Variants in RNF169 observed in about 807,000 individuals in gnomAD.
RNF169 encodes the protein E3 ubiquitin-protein ligase RNF169.
Under a neutral mutation model 53.9 loss-of-function variants are expected in RNF169, and 24 were observed. That is an observed-to-expected ratio of 0.45 (90% CI 0.32 to 0.63). RNF169 has a LOEUF of 0.63. Among genes scored for constraint, RNF169 ranks in the 20% least tolerant of loss-of-function variants. RNF169 has a pLI of 0.04. For synonymous variants in RNF169, 396 were observed against 363.5 expected (o/e 1.09, Z -1.02); for missense variants, 883 against 906.2 (o/e 0.97, Z 0.33).
At chr11:74,794,184 C>T (rs1414017024) in intron 2 of RNF169, among the ~76,000 whole-genome samples, 1 of 152,220 alleles carries the variant, frequency 6.6e-6, no homozygotes, top group Non-Finnish European at 1.5e-5. Flanking sequence ...TGGCAACTAG[C>T]TGCCTCTGTC....
At chr11:74,773,532 T>C (rs1176464543) in intron 1 of RNF169, among the ~76,000 whole-genome samples, 1 of 152,226 alleles carries the variant, frequency 6.6e-6, no homozygotes, top group Admixed American at 6.5e-5. Flanking sequence ...CAGTTTTCTT[T>C]TTGAGCTTGC....
chr11:74,832,902 T>C (rs2036201099), intron 4 of RNF169, among the ~76,000 whole-genome samples: 1 of 152,198 alleles, frequency 6.6e-6, no homozygotes, highest in Non-Finnish European at 1.5e-5. Flanking sequence ...TATCAATATT[T>C]TTAAAAGTAA....
At chr11:74,755,886 G>C (rs2034974150) in intron 1 of RNF169, among the ~76,000 whole-genome samples, 1 of 152,138 alleles carries the variant, frequency 6.6e-6, no homozygotes, top group Admixed American at 6.5e-5. Context: ...TTGTGTATTA[G>C]GGTAAAAGAA....
chr11:74,810,682 AT>A (rs1003034991), intron 3 of RNF169, among the ~76,000 whole-genome samples: 2 of 152,090 alleles, frequency 1.3e-5, no homozygotes, highest in African/African-American at 2.4e-5. Flanking sequence ...CCTCAACTAG[AT>A]TTTCTTAAAG....
chr11:74,842,063 A>G lies in RNF169; in HGVS notation c.*5333A>G, dbSNP rs1184724491. 6.6e-6 allele frequency: 1 copy of G among 151,808 alleles called. No homozygotes were observed. The highest frequency in any genetic ancestry group is 2.1e-4 in the South Asian group (1 of 4,802). 9.4% of individuals were successfully genotyped at this position (151,808 alleles called of 1,614,324 possible). On this transcript the variant is annotated 3_prime_UTR_variant, in exon 6 of 6. Transcript: ENST00000299563. Reference sequence around the variant, plus strand: ...TTTACTCTCAACTCTTTGTACAAATATTATTGTCCTAAGGGCCTTTTCCCC... The same window carrying G: ...TTTACTCTCAACTCTTTGTACAAATGTTATTGTCCTAAGGGCCTTTTCCCC...
At chr11:74,795,510 AC>A (rs2035635702) in intron 2 of RNF169, among the ~76,000 whole-genome samples, 1 of 152,160 alleles carries the variant, frequency 6.6e-6, no homozygotes, top group South Asian at 2.1e-4. Context: ...CTGAGCACCC[AC>A]AAACATATGT....
Position 74,836,283 on chromosome 11 carries a change from C to T in RNF169, c.1680C>T (p.Asp560=). The change falls in exon 6 of 6, where the codon GAC becomes GAT. Residue 560 remains aspartate, a synonymous_variant. Coordinates refer to ENST00000299563, the MANE Select transcript of RNF169 (RefSeq NM_001098638.2). The part of the protein sequence containing the change: ...GLGSTPDAKL[D]KTCISRAMKI... ...GGTCAACTCCAGATGCCAAGTTAGA[C>T]AAAACCTGTATAAGCAGAGCCATGA... 1 of 1,614,152 alleles carries T rather than the reference C, an allele frequency of 6.2e-7. No individual in the cohort carries two copies. The highest frequency in any genetic ancestry group is 2.2e-5 in the East Asian group (1 of 44,888).
At chr11:74,834,808 G>A (rs1169677230) in intron 5 of RNF169, 33 bp downstream of exon 5, 3 of 1,491,644 alleles carry the variant, frequency 2.0e-6, no homozygotes, top group East Asian at 2.3e-5. Context: ...CGGGGCTTGT[G>A]AGGCTTGCCC....
chr11:74,769,842 C>T (rs752457369), intron 1 of RNF169, among the ~76,000 whole-genome samples: 23 of 152,186 alleles, frequency 1.5e-4, no homozygotes, highest in Non-Finnish European at 5.9e-5. Flanking sequence ...GACATCCAGG[C>T]TGGAGTTCAG....
chr11:74,758,921 T>C lies in RNF169; in HGVS notation c.502+9539T>C, dbSNP rs572758042. ...GGGCAGTATGGCCATTTTCACGATATTGATTCTTCCTACCCATGAGCATGG... is the reference window on the plus strand; with the variant it reads ...GGGCAGTATGGCCATTTTCACGATACTGATTCTTCCTACCCATGAGCATGG... On this transcript the variant is annotated intron_variant, in intron 1 of 5. Transcript: ENST00000299563. Among the ~76,000 whole-genome samples, 46 of 149,318 alleles carry C rather than the reference T, an allele frequency of 3.1e-4. No homozygotes were observed. In the South Asian group the frequency reaches 9.7e-3, roughly 32 times the overall value.
chr11:74,781,775 C>A (rs1020135355), intron 1 of RNF169, among the ~76,000 whole-genome samples: 2 of 152,140 alleles, frequency 1.3e-5, no homozygotes, highest in African/African-American at 2.4e-5. Context: ...CACAGGCAGA[C>A]CCTGGATCTA....
intron 1 of RNF169, among the ~76,000 whole-genome samples, chr11:74,763,131 G>A (rs2035114886): frequency 6.6e-6 from 1 of 152,118 alleles, no homozygotes; most frequent in Non-Finnish European, 1.5e-5. Context: ...AGAAATTGAA[G>A]CACAAGATCT....
chr11:74,800,595 GTAT>G (rs746282309), intron 2 of RNF169, among the ~76,000 whole-genome samples: 9 of 152,118 alleles, frequency 5.9e-5, no homozygotes, highest in Non-Finnish European at 1.2e-4. Context: ...CTGTATATAA[GTAT>G]TATTAATATT....
At chr11:74,753,174 A>G (rs765388575) in intron 1 of RNF169, among the ~76,000 whole-genome samples, 1 of 151,948 alleles carries the variant, frequency 6.6e-6, no homozygotes, top group Non-Finnish European at 1.5e-5. Flanking sequence ...CTCCATGTTG[A>G]TCAGGCTGGT....
intron 3 of RNF169, among the ~76,000 whole-genome samples, chr11:74,815,390 T>C (rs2035930074): frequency 6.6e-6 from 1 of 152,058 alleles, no homozygotes; most frequent in African/African-American, 2.4e-5. Flanking sequence ...ACCCTGTCTC[T>C]ACCAAAAATA....
intron 2 of RNF169, among the ~76,000 whole-genome samples, chr11:74,792,509 C>T (rs1036354017): frequency 2.0e-5 from 3 of 152,248 alleles, no homozygotes; most frequent in Non-Finnish European, 4.4e-5. Context: ...TCAAGTGATT[C>T]TCCTGCCTCA....
intron 2 of RNF169, among the ~76,000 whole-genome samples, chr11:74,800,087 C>G (rs2135101491): frequency 6.6e-6 from 1 of 150,878 alleles, no homozygotes; most frequent in Admixed American, 6.6e-5. Context: ...TCCCTAAATC[C>G]AAAACCATTC....
At chr11:74,758,977 T>G (rs2035032608) in intron 1 of RNF169, among the ~76,000 whole-genome samples, 1 of 150,652 alleles carries the variant, frequency 6.6e-6, no homozygotes, top group Non-Finnish European at 1.5e-5. Context: ...TATCCTCTTT[T>G]ATTTCCTTGA....
chr11:74,809,618 A>C (rs760702463), intron 2 of RNF169, among the ~76,000 whole-genome samples: 4 of 152,204 alleles, frequency 2.6e-5, no homozygotes, highest in Non-Finnish European at 4.4e-5. Flanking sequence ...CCTGGAGTTC[A>C]AGACCAGCCT....
Sources: gnomAD v4.1 joint callset for allele counts (sites outside exome capture counted in the v4.1 genomes callset) on GRCh38, gnomAD v4.1.1 for gene constraint, MANE v1.5 for transcripts, NCBI Gene and HGNC (gene_info 2026-07-23, HGNC 2026-07-21) for gene names.